Variants in PAM observed in about 807,000 individuals in gnomAD.
PAM encodes peptidyl-glycine alpha-amidating monooxygenase.
A neutral mutation model predicts 122.1 loss-of-function variants in PAM; 72 were observed. The observed-to-expected ratio is 0.59, with a 90% confidence interval of 0.49 to 0.72. The LOEUF is 0.72. Ranked by LOEUF, PAM falls within the 30% of genes least tolerant of loss-of-function variation. PAM has a pLI of 0.00. For synonymous variants in PAM, 389 were observed against 404.4 expected, an observed-to-expected ratio of 0.96 and a Z score of 0.46; for missense variants, 1,106 against 1,183.7, an observed-to-expected ratio of 0.93 and a Z score of 0.96.
At chr5:103,014,641 T>A (rs1781497709) in intron 21 of PAM, among the ~76,000 whole-genome samples, 1 of 151,920 alleles carries the variant, frequency 6.6e-6, no homozygotes, top group African/African-American at 2.4e-5. Flanking sequence ...CTTCTGTTTG[T>A]GCATACCCAC....
chr5:102,889,694 T>C (rs1794201155), intron 3 of PAM, among the ~76,000 whole-genome samples: 1 of 151,976 alleles, frequency 6.6e-6, no homozygotes, highest in African/African-American at 2.4e-5. Context: ...ATCTTGTGTC[T>C]CTGACTCTGC....
At chr5:102,904,718 C>A (rs890740708) in intron 4 of PAM, among the ~76,000 whole-genome samples, 1 of 151,546 alleles carries the variant, frequency 6.6e-6, no homozygotes, top group African/African-American at 2.4e-5. Context: ...TTGAACTTTT[C>A]AAATTTCTGA....
intron 16 of PAM, among the ~76,000 whole-genome samples, chr5:102,999,516 C>T (rs1776720455): frequency 6.6e-6 from 1 of 152,240 alleles, no homozygotes; most frequent in African/African-American, 2.4e-5. Flanking sequence ...CCAGTGGAGA[C>T]TCTTCGTGGG....
At chr5:102,901,476 A>G (rs746380650) in intron 4 of PAM, 63 bp downstream of exon 4, 1 of 905,914 alleles carries the variant, frequency 1.1e-6, no homozygotes, top group Non-Finnish European at 1.8e-6. Context: ...GAAATCAGTG[A>G]AAGGTTCTCT....
At chr5:102,835,381 A>G (rs1474924293) in intron 1 of PAM, among the ~76,000 whole-genome samples, 1 of 152,168 alleles carries the variant, frequency 6.6e-6, no homozygotes, top group Non-Finnish European at 1.5e-5. Context: ...AGACTCATTA[A>G]GAGTATATCT....
intron 1 of PAM, among the ~76,000 whole-genome samples, chr5:102,778,308 T>C (rs556756569): frequency 6.6e-6 from 1 of 152,312 alleles, no homozygotes; most frequent in East Asian, 1.9e-4. Flanking sequence ...GATGGTAACA[T>C]TGTCAAAGGC....
At chr5:102,957,170 T>C (rs935672835) in intron 12 of PAM, among the ~76,000 whole-genome samples, 7 of 152,196 alleles carry the variant, frequency 4.6e-5, no homozygotes, top group Non-Finnish European at 1.0e-4. Context: ...TGCATATCTA[T>C]GTATATTCAT....
chr5:103,005,037 A>G, intron 17 of PAM, 117 bp from the exon 18 acceptor site: 1 of 642,976 alleles, frequency 1.6e-6, no homozygotes, highest in Non-Finnish European at 2.8e-6. Context: ...TAATAATGCA[A>G]GTATACATTT....
Position 102,993,054 on chromosome 5 carries a change from T to C in PAM, c.1613+2653T>C, listed in dbSNP as rs538771116. 9.2e-5 allele frequency among the ~76,000 whole-genome samples: 14 copies of C among 152,228 alleles called. No homozygotes were observed. In the South Asian group the frequency reaches 2.7e-3, roughly 29 times the overall value. On this transcript the variant is annotated intron_variant, in intron 16 of 25. Transcript: ENST00000438793. ...CCCTGATCAGCCCTTATTCTTTGACTTAAACACACTAAATATACATAGCAA... is the reference window on the plus strand; with the variant it reads ...CCCTGATCAGCCCTTATTCTTTGACCTAAACACACTAAATATACATAGCAA...
chr5:103,000,286 C>G (rs189017968), intron 16 of PAM, among the ~76,000 whole-genome samples: 183 of 152,294 alleles, frequency 1.2e-3, no homozygotes, highest in Middle Eastern at 3.4e-3. Flanking sequence ...TAAAACATAG[C>G]AAGACCTTTA....
chr5:102,871,240 T>C (rs953706056), intron 3 of PAM, among the ~76,000 whole-genome samples: 3 of 152,174 alleles, frequency 2.0e-5, no homozygotes, highest in African/African-American at 7.2e-5. Flanking sequence ...AAGGTTGTTC[T>C]GAAGACTGAG....
intron 1 of PAM, among the ~76,000 whole-genome samples, chr5:102,793,457 G>T (rs529468225): frequency 2.0e-5 from 3 of 152,158 alleles, no homozygotes; most frequent in Admixed American, 6.5e-5. Flanking sequence ...CTTGAGCCTG[G>T]GAGGTGGAGG....
At chr5:102,906,118 A>G (rs1346654149) in intron 4 of PAM, among the ~76,000 whole-genome samples, 1 of 151,660 alleles carries the variant, frequency 6.6e-6, no homozygotes, top group African/African-American at 2.4e-5. Context: ...ACAACGTCCA[A>G]CATCTCCTCA....
At chr5:103,017,565 T>TA in intron 22 of PAM, 132 bp downstream of exon 22, 1 of 634,414 alleles carries the variant, frequency 1.6e-6, no homozygotes, top group East Asian at 2.7e-5. Context: ...AAGCAGTTGT[T>TA]AAAAGACCTA....
At chr5:102,760,451 A>G (rs768835357) in intron 1 of PAM, among the ~76,000 whole-genome samples, 3 of 152,322 alleles carry the variant, frequency 2.0e-5, no homozygotes, top group East Asian at 1.9e-4. Context: ...TCAGACCCTT[A>G]ATTATTGATA....
intron 1 of PAM, among the ~76,000 whole-genome samples, chr5:102,816,894 T>C (rs959771075): frequency 2.0e-5 from 3 of 152,130 alleles, no homozygotes; most frequent in African/African-American, 7.2e-5. Flanking sequence ...CTCTAGACAA[T>C]ATATTTCTGC....
intron 1 of PAM, among the ~76,000 whole-genome samples, chr5:102,782,723 CTCTG>C (rs749541028): frequency 3.3e-4 from 48 of 143,690 alleles, no homozygotes; most frequent in Middle Eastern, 3.6e-3. Flanking sequence ...CTCTCTCTCT[CTCTG>C]TGTGTGTGTG....
Position 103,006,903 on chromosome 5 carries a change from G to A in PAM, c.1906G>A (p.Val636Met), listed in dbSNP as rs553935216. 2 of 1,613,844 alleles carry A rather than the reference G, an allele frequency of 1.2e-6. No individual in the cohort carries two copies. Among genetic ancestry groups the A allele is most frequent in the Non-Finnish European group, 1.7e-6 (2 of 1,179,744 alleles). ...GAATCACTTCTGTCAACCCACTGAT[G>A]TGGCTGTGGATCCAGGCACTGGAGC... ...DQNHFCQPTD[V>M]AVDPGTGAIY... The change falls in exon 19 of 26, where the codon GTG becomes ATG. Residue 636 changes from valine (V) to methionine (M), a missense_variant. By Grantham distance (21) the Val-to-Met change is conservative (BLOSUM62 1). Transcript: ENST00000438793.
rs1218642123 is a variant in PAM, at chr5:102,867,349, G to A, written c.166G>A (p.Asp56Asn). Residue 56 changes from aspartate (D) to asparagine (N), a missense_variant, in exon 3 of 26, where the codon GAT becomes AAT. Asp to Asn is a conservative substitution (Grantham distance 23, BLOSUM62 1). This residue lies in a region of PAM where 670 missense variants were observed against 690.3 expected (regional missense o/e 0.97). Coordinates refer to ENST00000438793, the MANE Select transcript of PAM (RefSeq NM_001177306.2). ...ACCCGTAGTTCCTATTGATTCATCA[G>A]ATTTTGCATTGGATATTCGCATGCC... is the stretch of plus-strand genomic sequence containing the variant. ...TRPVVPIDSS[D>N]FALDIRMPGV... 1.2e-6 allele frequency: 2 copies of A among 1,609,006 alleles called. No homozygotes were observed. The highest frequency in any genetic ancestry group is 2.2e-5 in the East Asian group (1 of 44,788).
Sources: allele counts gnomAD v4.1 joint callset (sites outside exome capture counted in the v4.1 genomes callset), GRCh38; gene constraint gnomAD v4.1.1; regional missense constraint gnomAD v4.1.1; transcripts MANE v1.5; gene names NCBI Gene and HGNC (gene_info 2026-07-23, HGNC 2026-07-21).